TRERF1: variants seen among roughly 807,000 people sequenced by gnomAD.
The protein encoded by TRERF1 is transcriptional-regulating factor 1.
In TRERF1, 27 loss-of-function variants were observed where a neutral mutation model predicts 122.9. The ratio of observed to expected loss-of-function variants is 0.22; its 90% CI spans 0.16 to 0.30. The LOEUF (loss-of-function observed/expected upper bound fraction) is 0.30. Ranked by LOEUF, TRERF1 falls within the 10% of genes least tolerant of loss-of-function variation. TRERF1 has a pLI of 1.00. For synonymous variants in TRERF1, 636 were observed against 641.7 expected, an observed-to-expected ratio of 0.99 and a Z score of 0.13; for missense variants, 1,248 against 1,560.3, an observed-to-expected ratio of 0.80 and a Z score of 3.37.
At chr6:42,281,426 A>G (rs1782283369) in intron 4 of TRERF1, among the ~76,000 whole-genome samples, 1 of 152,168 alleles carries the variant, frequency 6.6e-6, no homozygotes, top group Non-Finnish European at 1.5e-5. Context: ...ATCCAGTTCC[A>G]TAGAAACAGA....
chr6:42,271,369 A>G (rs1459486491), intron 4 of TRERF1, among the ~76,000 whole-genome samples: 2 of 152,130 alleles, frequency 1.3e-5, no homozygotes, highest in Admixed American at 1.3e-4. Flanking sequence ...ATGGAAACAC[A>G]ATAAATGCTG....
At chr6:42,445,268 A>T (rs1582283939) in intron 2 of TRERF1, among the ~76,000 whole-genome samples, 1 of 16,186 alleles carries the variant, frequency 6.2e-5, no homozygotes, top group East Asian at 5.9e-4. Context: ...ACTCCATCTC[A>T]AAAAAAAAAA....
chr6:42,425,040 G>A (rs260238), intron 2 of TRERF1, among the ~76,000 whole-genome samples: 33,738 of 151,928 alleles, frequency 0.22, 5,505 homozygotes, highest in African/African-American at 0.46. Context: ...GCCCGGGCTC[G>A]TGACTCAGGG....
chr6:42,418,287 G>A (rs538553572), intron 2 of TRERF1, among the ~76,000 whole-genome samples: 29 of 24,656 alleles, frequency 1.2e-3, no homozygotes, highest in African/African-American at 2.9e-3. Context: ...TTTTTTTTCC[G>A]AGATGGAGTT....
intron 3 of TRERF1, among the ~76,000 whole-genome samples, chr6:42,360,771 TAAAAAAA>T (rs55924002): frequency 2.7e-5 from 1 of 36,448 alleles, no homozygotes; most frequent in African/African-American, 9.9e-5. Context: ...GTGGAGAGAT[TAAAAAAA>T]AAAAAAAAAA....
intron 2 of TRERF1, among the ~76,000 whole-genome samples, chr6:42,368,167 A>G (rs1773107063): frequency 6.6e-6 from 1 of 152,032 alleles, no homozygotes; most frequent in South Asian, 2.1e-4. Flanking sequence ...CAGGCAGTAT[A>G]CTTGGTGGCT....
intron 2 of TRERF1, among the ~76,000 whole-genome samples, chr6:42,438,992 G>C (rs1264015640): frequency 6.6e-6 from 1 of 152,184 alleles, no homozygotes; most frequent in Admixed American, 6.5e-5. Context: ...ACATGGCCAG[G>C]AGCCTCAAGG....
rs187746734 is a variant in TRERF1 at position 42,372,893 on chromosome 6, G to A, written c.-453-9814C>T. 8.5e-5 allele frequency among the ~76,000 whole-genome samples: 13 copies of A among 152,252 alleles called. No individual in the cohort carries two copies. In the East Asian group the frequency reaches 2.5e-3, roughly 29 times the overall value. ...GAATGAGACCCTGAGTCAGGCAAAGGGTAAGAGTGTGTGTTCGGGAGTCAC... is the reference window on the plus strand; with the variant it reads ...GAATGAGACCCTGAGTCAGGCAAAGAGTAAGAGTGTGTGTTCGGGAGTCAC... On this transcript the variant is annotated intron_variant, in intron 2 of 17. Transcript: ENST00000372922.
intron 3 of TRERF1, among the ~76,000 whole-genome samples, chr6:42,311,742 G>C (rs1041097586): frequency 4.1e-5 from 6 of 146,880 alleles, no homozygotes; most frequent in Admixed American, 4.1e-4. Flanking sequence ...CTCCAGCCTG[G>C]GCAACTGAGC....
intron 2 of TRERF1, among the ~76,000 whole-genome samples, chr6:42,403,843 A>G (rs1779772911): frequency 6.6e-6 from 1 of 152,146 alleles, no homozygotes; most frequent in South Asian, 2.1e-4. Context: ...AGTGTCCTCC[A>G]GGGCTTCATT....
At chr6:42,412,720 T>C (rs1781288665) in intron 2 of TRERF1, among the ~76,000 whole-genome samples, 1 of 151,032 alleles carries the variant, frequency 6.6e-6, no homozygotes, top group Non-Finnish European at 1.5e-5. Context: ...AGGCCAGGAG[T>C]TCAAGATCAG....
chr6:42,371,292 A>C (rs1773718184), intron 2 of TRERF1, among the ~76,000 whole-genome samples: 1 of 152,192 alleles, frequency 6.6e-6, no homozygotes, highest in Non-Finnish European at 1.5e-5. Flanking sequence ...AAAATTCACA[A>C]GGGCCAGCAA....
chr6:42,381,319 TAAAAC>T (rs1458946368), intron 2 of TRERF1, among the ~76,000 whole-genome samples: 89 of 148,500 alleles, frequency 6.0e-4, no homozygotes, highest in Non-Finnish European at 1.5e-5. Flanking sequence ...GGTGGTTCCT[TAAAAC>T]AAGGCGCTGG....
chr6:42,435,047 C>A (rs1031308365), intron 2 of TRERF1, among the ~76,000 whole-genome samples: 1 of 151,852 alleles, frequency 6.6e-6, no homozygotes, highest in African/African-American at 2.4e-5. Flanking sequence ...AGGAGAATCG[C>A]TTGAACCCAG....
At chr6:42,355,256 A>G (rs1022167363) in intron 3 of TRERF1, among the ~76,000 whole-genome samples, 2 of 152,184 alleles carry the variant, frequency 1.3e-5, no homozygotes, top group Non-Finnish European at 2.9e-5. Context: ...TTCCTCTTAA[A>G]GTGGTATATA....
intron 2 of TRERF1, among the ~76,000 whole-genome samples, chr6:42,396,731 T>G (rs1251207635): frequency 6.6e-6 from 1 of 152,228 alleles, no homozygotes; most frequent in Non-Finnish European, 1.5e-5. Context: ...AACTTGGGAT[T>G]TATTCATTTG....
intron 4 of TRERF1, among the ~76,000 whole-genome samples, chr6:42,292,559 C>T (rs1039411502): frequency 2.6e-5 from 4 of 151,888 alleles, no homozygotes; most frequent in Admixed American, 6.6e-5. Context: ...GCAGGAAGTC[C>T]GAGAGAGAGA....
intron 4 of TRERF1, among the ~76,000 whole-genome samples, chr6:42,283,309 T>C (rs66833766): frequency 0.027 from 4,151 of 152,278 alleles, 57 homozygotes; most frequent in Non-Finnish European, 0.037. Context: ...AAGAAAGCAC[T>C]GAGCATCGGT....
rs566540273 is a variant in TRERF1 at position 42,257,169 on chromosome 6, G to A, written c.2337-67C>T. On this transcript the variant is annotated intron_variant, in intron 10 of 17. Transcript: ENST00000372922. ...TTGATGGCTCAGGCCAAGGGCAACT[G>A]TCAGGAACTTGAAAAAGAAGGAAAC... The A allele has an allele frequency of 1.3e-5, 21 of 1,562,404 alleles. No individual in the cohort carries two copies. In the South Asian group the frequency reaches 2.3e-4, roughly 17 times the overall value.
Sources: allele counts gnomAD v4.1 joint callset (sites outside exome capture counted in the v4.1 genomes callset), GRCh38; gene constraint gnomAD v4.1.1; transcripts MANE v1.5; gene names NCBI Gene and HGNC (gene_info 2026-07-23, HGNC 2026-07-21).